TMEM168: variants seen among roughly 807,000 people sequenced by gnomAD.
TMEM168 encodes the protein transmembrane protein 168.
In TMEM168, 40 loss-of-function variants were observed where a neutral mutation model predicts 53.2. The ratio of observed to expected loss-of-function variants is 0.75; its 90% CI spans 0.58 to 0.98. TMEM168 has a LOEUF of 0.98. TMEM168 is among the 50% of genes least tolerant of loss of function. The pLI is 0.00. For synonymous variants in TMEM168, 282 were observed against 293.0 expected, an observed-to-expected ratio of 0.96 and a Z score of 0.38; for missense variants, 771 against 828.8, an observed-to-expected ratio of 0.93 and a Z score of 0.86.
chr7:112,772,061 A>G (rs1317088980), intron 4 of TMEM168, among the ~76,000 whole-genome samples: 1 of 152,148 alleles, frequency 6.6e-6, no homozygotes, highest in Non-Finnish European at 1.5e-5. Flanking sequence ...TAATAGTTGG[A>G]AAGACTGACA....
At chr7:112,789,643 G>A (rs1584457544) in intron 1 of TMEM168, among the ~76,000 whole-genome samples, 1 of 152,166 alleles carries the variant, frequency 6.6e-6, no homozygotes, top group South Asian at 2.1e-4. Context: ...GGAATGGCTT[G>A]AGGCATACCG....
At position 112,787,936 on chromosome 7, in the gene TMEM168, T is replaced by G. The variant is rs545983865; in HGVS notation, c.-129+2224A>C. On this transcript the variant is annotated intron_variant, in intron 1 of 4. Transcript: ENST00000312814. ...TAGTAGAGATGGGGTTTCTCCATGTTGGTCAGGCTGGTCTTGAACTCCCGA... is the reference window on the plus strand; with the variant it reads ...TAGTAGAGATGGGGTTTCTCCATGTGGGTCAGGCTGGTCTTGAACTCCCGA... 1.5e-3 allele frequency among the ~76,000 whole-genome samples: 231 copies of G among 151,922 alleles called. 1 individual carries two copies. Among genetic ancestry groups the G allele is most frequent in the African/African-American group, 5.3e-3 (219 of 41,424 alleles).
intron 2 of TMEM168, among the ~76,000 whole-genome samples, chr7:112,777,661 G>A (rs899338710): frequency 2.6e-5 from 4 of 152,014 alleles, no homozygotes; most frequent in Admixed American, 6.5e-5. Context: ...TTTGTCTAAT[G>A]TTATGTTTGC....
rs1323822136 is a variant in TMEM168, at chr7:112,762,758, TAAC to T, written c.*4436_*4438del. 2.6e-5 allele frequency: 4 copies of T among 152,080 alleles called. No homozygotes were observed. Among genetic ancestry groups the T allele is most frequent in the African/African-American group, 9.7e-5 (4 of 41,450 alleles). 9.4% of individuals were successfully genotyped at this position (152,080 alleles called of 1,614,324 possible). A position where few individuals can be genotyped will look rare whatever the true frequency, so the allele number is the denominator to read the frequency against. On this transcript the variant is annotated 3_prime_UTR_variant, in exon 5 of 5. Transcript: ENST00000312814. ...CAGTCAACTTTGGTCTAAGTAATAATAACAATATTTCCTAATAAACATAAATGT... is the reference window on the plus strand; with the variant it reads ...CAGTCAACTTTGGTCTAAGTAATAATAATATTTCCTAATAAACATAAATGT...
chr7:112,768,171 T>A (rs911295403), intron 4 of TMEM168, among the ~76,000 whole-genome samples: 1 of 152,220 alleles, frequency 6.6e-6, no homozygotes, highest in South Asian at 2.1e-4. Context: ...TATTTTCACA[T>A]GGTTGAAAGA....
In TMEM168 at chr7:112,767,306, A is replaced by T. The variant is rs1283577850; in HGVS notation, c.1985T>A (p.Leu662His). 1 of 1,614,182 alleles carries T rather than the reference A, an allele frequency of 6.2e-7. No homozygotes were observed. Residue 662 changes from leucine to histidine, a missense_variant, in exon 5 of 5, where the codon CTT becomes CAT. Leu to His is a moderately conservative substitution (Grantham distance 99). Coordinates refer to ENST00000312814, the MANE Select transcript of TMEM168 (RefSeq NM_022484.6). Reference sequence around the variant, plus strand: ...AAAACAAGTTTTGCAGATCCAAAAAAGGTTCAGACCGCATAACCAATTTGC... The same window carrying T: ...AAAACAAGTTTTGCAGATCCAAAAATGGTTCAGACCGCATAACCAATTTGC... ...HLANWLCGLN[L>H]FWICKTCFRC...
At position 112,783,877 on chromosome 7, in the gene TMEM168, A is replaced by G. The variant is rs1367541640; in HGVS notation, c.949T>C (p.Trp317Arg). Residue 317 changes from tryptophan (W) to arginine (R), a missense_variant, in exon 2 of 5, where the codon TGG (tryptophan) becomes CGG (arginine). Coordinates refer to ENST00000312814, the MANE Select transcript of TMEM168 (RefSeq NM_022484.6). ...TCATTTAATTTGGTATGGAATCCCCAAAGAGTTAAAAGAAAAATAATATGA... is the reference window on the plus strand; with the variant it reads ...TCATTTAATTTGGTATGGAATCCCCGAAGAGTTAAAAGAAAAATAATATGA... ...ICHIIFLLTLWGFHTKLNDCH... is the reference protein window; with the variant it reads ...ICHIIFLLTLRGFHTKLNDCH... The G allele has an allele frequency of 1.9e-6, 3 of 1,598,916 alleles. No individual in the cohort carries two copies. Among genetic ancestry groups the G allele is most frequent in the Middle Eastern group, 1.7e-4 (1 of 5,972 alleles).
chr7:112,780,033 G>C (rs886974433), intron 2 of TMEM168, among the ~76,000 whole-genome samples: 3 of 152,134 alleles, frequency 2.0e-5, no homozygotes, highest in African/African-American at 4.8e-5. Context: ...TCAAAACTTT[G>C]CTTGTTTCAG....
chr7:112,788,145 T>C (rs1037359140), intron 1 of TMEM168, among the ~76,000 whole-genome samples: 3 of 152,332 alleles, frequency 2.0e-5, no homozygotes, highest in Admixed American at 2.0e-4. Context: ...TCTTAATTTA[T>C]TGGTTTCCCC....
rs1792688132 is a variant in TMEM168 at position 112,762,388 on chromosome 7, A to G, written c.*4809T>C. 1 of 152,040 alleles carries G rather than the reference A, an allele frequency of 6.6e-6. No individual in the cohort carries two copies. 9.4% of individuals were successfully genotyped at this position (152,040 alleles called of 1,614,324 possible). ...AAAATTAATGCGAATTTTGTTCATC[A>G]ATACATTGGTATGTGTTTTAATATA... On this transcript the variant is annotated 3_prime_UTR_variant, in exon 5 of 5. Transcript: ENST00000312814.
At chr7:112,789,798 T>C (rs1246993035) in intron 1 of TMEM168, among the ~76,000 whole-genome samples, 2 of 152,156 alleles carry the variant, frequency 1.3e-5, no homozygotes, top group South Asian at 2.1e-4. Flanking sequence ...ACGAGGAAAA[T>C]GTCATCTAGA....
rs753832396 is a variant in TMEM168 at position 112,784,550 on chromosome 7, T to TA, written c.275dup (p.Leu92PhefsTer19). 1.2e-6 allele frequency: 2 copies of TA among 1,614,134 alleles called. No individual in the cohort carries two copies. The highest frequency in any genetic ancestry group is 3.3e-5 in the Admixed American group (2 of 60,014). ...ATCCAAACCAAAGATTGGAGAGACT[T>TA]AAACTTGCTGCTTCCATTGAAAAAT... On this transcript the variant is annotated frameshift_variant, in exon 2 of 5. Coordinates refer to ENST00000312814, the MANE Select transcript of TMEM168 (RefSeq NM_022484.6). LOFTEE classifies it high-confidence loss of function.
intron 2 of TMEM168, among the ~76,000 whole-genome samples, chr7:112,775,550 G>A (rs920292375): frequency 3.3e-4 from 49 of 150,008 alleles, no homozygotes; most frequent in African/African-American, 1.1e-3. Context: ...GGCAAAACAC[G>A]GCACATCATT....
intron 2 of TMEM168, 30 bp from the exon 3 acceptor site, chr7:112,775,348 G>A: frequency 6.3e-7 from 1 of 1,588,792 alleles, no homozygotes; most frequent in Non-Finnish European, 8.6e-7. Context: ...TGTTTACATA[G>A]TACATGTACA....
intron 1 of TMEM168, among the ~76,000 whole-genome samples, chr7:112,788,736 C>T (rs1195555637): frequency 6.6e-6 from 1 of 152,102 alleles, no homozygotes; most frequent in Non-Finnish European, 1.5e-5. Context: ...TATTCTAACC[C>T]TCCTCTCCAC....
intron 4 of TMEM168, among the ~76,000 whole-genome samples, chr7:112,769,038 G>A (rs1792862736): frequency 6.6e-6 from 1 of 152,104 alleles, no homozygotes; most frequent in Non-Finnish European, 1.5e-5. Flanking sequence ...TTTACATTGA[G>A]CATAAGTTAC....
At position 112,767,494 on chromosome 7, in the gene TMEM168, G is replaced by A. The variant is rs1368002329; in HGVS notation, c.1797C>T (p.Ser599=). The change falls in exon 5 of 5, where the codon TCC becomes TCT. Residue 599 remains serine, a synonymous_variant. Transcript: ENST00000312814. ...TTTCAGTCCAGCAGATGTTATTACTGGAGTTGCAGTTATATTCTACCCAGT... is the reference window on the plus strand; with the variant it reads ...TTTCAGTCCAGCAGATGTTATTACTAGAGTTGCAGTTATATTCTACCCAGT... ...TKDWVEYNCN[S]SNNICWTEKG... The A allele has an allele frequency of 6.2e-7, 1 of 1,613,966 alleles. No homozygotes were observed. Among genetic ancestry groups the A allele is most frequent in the East Asian group, 2.2e-5 (1 of 44,880 alleles).
chr7:112,787,713 ATTTTTTTTTTTTTTTTTT>A (rs71155069), intron 1 of TMEM168, among the ~76,000 whole-genome samples: 669 of 38,800 alleles, frequency 0.017, 10 homozygotes, highest in Middle Eastern at 0.079. Context: ...TGCGACTGGC[ATTTTTTTTTTTTTTTTTT>A]TTTTTTTTTT....
In TMEM168 at chr7:112,772,872, G is replaced by A. The variant is rs756059681; in HGVS notation, c.1455C>T (p.Leu485=). The A allele has an allele frequency of 2.5e-6, 4 of 1,614,022 alleles. No individual in the cohort carries two copies. Among genetic ancestry groups the A allele is most frequent in the South Asian group, 2.2e-5 (2 of 91,074 alleles). ...TGGGTCCATCCACTGTCCGAAGTTC[G>A]AGGAAAGCTTTTAGTTTGGAATGCA... ...DTLHSKLKAF[L]ELRTVDGPRH... is the part of the protein sequence containing the mutation. Residue 485 remains leucine (L), a synonymous_variant, in exon 4 of 5, where the codon CTC becomes CTT. Coordinates refer to ENST00000312814, the MANE Select transcript of TMEM168 (RefSeq NM_022484.6).
Sources: allele counts gnomAD v4.1 joint callset (sites outside exome capture counted in the v4.1 genomes callset), GRCh38; gene constraint gnomAD v4.1.1; transcripts MANE v1.5; gene names NCBI Gene and HGNC (gene_info 2026-07-23, HGNC 2026-07-21).